TRPM3: variants seen among roughly 807,000 people sequenced by gnomAD.
The protein encoded by TRPM3 is long transient receptor potential channel 3.
A neutral mutation model predicts 181.2 loss-of-function variants in TRPM3; 77 were observed. The observed-to-expected ratio is 0.42, with a 90% confidence interval of 0.35 to 0.51. The LOEUF (loss-of-function observed/expected upper bound fraction) is 0.51. Among genes scored for constraint, TRPM3 ranks in the 20% least tolerant of loss-of-function variants. TRPM3 has a pLI of 0.01. For missense variants in TRPM3, 1,759 were observed against 2,196.7 expected, an observed-to-expected ratio of 0.80 and a Z score of 3.98; for synonymous variants, 745 against 796.4, an observed-to-expected ratio of 0.94 and a Z score of 1.09.
At chr9:71,133,281 C>A (rs1161210726) in intron 1 of TRPM3, among the ~76,000 whole-genome samples, 1 of 115,978 alleles carries the variant, frequency 8.6e-6, no homozygotes, top group South Asian at 3.1e-4. Context: ...TGTAATTCTT[C>A]TAGCAAATTG....
At chr9:71,162,066 G>A (rs758254473) in intron 1 of TRPM3, among the ~76,000 whole-genome samples, 19 of 151,872 alleles carry the variant, frequency 1.3e-4, no homozygotes, top group South Asian at 4.2e-4. Flanking sequence ...CAGGTGTGGT[G>A]GTGTGTTTCT....
intron 1 of TRPM3, among the ~76,000 whole-genome samples, chr9:71,220,476 T>C (rs7865091): frequency 0.27 from 40,616 of 151,798 alleles, 6,021 homozygotes; most frequent in Middle Eastern, 0.46. Context: ...CTTTATTAAC[T>C]AATTTAAGGG....
chr9:70,936,698 T>C (rs528460380), intron 1 of TRPM3, among the ~76,000 whole-genome samples: 8 of 152,258 alleles, frequency 5.3e-5, no homozygotes, highest in African/African-American at 1.9e-4. Flanking sequence ...CTGCCTAGAG[T>C]TCTCTTCACC....
chr9:71,230,878 C>G (rs951908245), intron 1 of TRPM3, among the ~76,000 whole-genome samples: 1 of 152,124 alleles, frequency 6.6e-6, no homozygotes, highest in Non-Finnish European at 1.5e-5. Flanking sequence ...AGTAAATATT[C>G]CTGTTTTGGC....
chr9:71,141,928 A>G (rs1395065503), intron 1 of TRPM3, among the ~76,000 whole-genome samples: 1 of 152,152 alleles, frequency 6.6e-6, no homozygotes, highest in Non-Finnish European at 1.5e-5. Flanking sequence ...CTGAAATTCC[A>G]TTCACTGGGG....
chr9:70,585,457 C>A (rs1041473487), intron 22 of TRPM3, among the ~76,000 whole-genome samples: 6 of 152,282 alleles, frequency 3.9e-5, no homozygotes, highest in Non-Finnish European at 7.4e-5. Context: ...TGCAAAATAG[C>A]CTTCTTCATG....
chr9:71,309,907 T>G (rs2087752913), intron 1 of TRPM3, among the ~76,000 whole-genome samples: 1 of 152,120 alleles, frequency 6.6e-6, no homozygotes, highest in African/African-American at 2.4e-5. Flanking sequence ...AATATTTCTA[T>G]CATTATTCTT....
intron 1 of TRPM3, among the ~76,000 whole-genome samples, chr9:71,160,933 A>C (rs2076245741): frequency 6.6e-6 from 1 of 152,136 alleles, no homozygotes; most frequent in African/African-American, 2.4e-5. Flanking sequence ...TATATTTTGT[A>C]GATAATAATA....
chr9:71,034,073 G>A (rs1263664309), intron 1 of TRPM3, among the ~76,000 whole-genome samples: 1 of 152,192 alleles, frequency 6.6e-6, no homozygotes, highest in Non-Finnish European at 1.5e-5. Context: ...CACATAGACA[G>A]TGGCCCCAGC....
At chr9:70,616,999 G>T (rs748011425) in intron 17 of TRPM3, among the ~76,000 whole-genome samples, 117 of 152,260 alleles carry the variant, frequency 7.7e-4, no homozygotes, top group Admixed American at 3.0e-3. Context: ...CCTCCTTAAA[G>T]AAACTGCTCC....
At chr9:71,290,285 A>C (rs1461872765) in intron 1 of TRPM3, among the ~76,000 whole-genome samples, 2 of 152,134 alleles carry the variant, frequency 1.3e-5, no homozygotes, top group Non-Finnish European at 2.9e-5. Flanking sequence ...GAAGAAACTC[A>C]CCAATATATC....
chr9:70,914,391 G>A (rs1051436549), intron 1 of TRPM3, among the ~76,000 whole-genome samples: 1 of 152,118 alleles, frequency 6.6e-6, no homozygotes, highest in African/African-American at 2.4e-5. Context: ...TCATTCTAAG[G>A]TATTTTGTTA....
intron 18 of TRPM3, among the ~76,000 whole-genome samples, chr9:70,611,705 A>G (rs147597801): frequency 0.012 from 1,793 of 152,270 alleles, 33 homozygotes; most frequent in African/African-American, 0.041. Flanking sequence ...TAAATCCTGA[A>G]TTACTGCTGG....
intron 1 of TRPM3, among the ~76,000 whole-genome samples, chr9:70,976,960 C>G (rs1480586073): frequency 6.6e-6 from 1 of 152,146 alleles, no homozygotes; most frequent in Non-Finnish European, 1.5e-5. Flanking sequence ...TTGTGAATCA[C>G]CACAGTGCTA....
At chr9:71,041,117 C>G (rs1166927471) in intron 1 of TRPM3, among the ~76,000 whole-genome samples, 3 of 152,084 alleles carry the variant, frequency 2.0e-5, no homozygotes, top group Non-Finnish European at 4.4e-5. Flanking sequence ...AGAGAATATC[C>G]TTGCTTTGGG....
chr9:70,558,399 G>A (rs980734151), intron 22 of TRPM3, among the ~76,000 whole-genome samples: 3 of 152,100 alleles, frequency 2.0e-5, no homozygotes, highest in African/African-American at 7.2e-5. Flanking sequence ...TCATATTTTG[G>A]GCACCTCATT....
intron 1 of TRPM3, among the ~76,000 whole-genome samples, chr9:71,296,736 A>T (rs1372410356): frequency 6.6e-6 from 1 of 152,166 alleles, no homozygotes; most frequent in Non-Finnish European, 1.5e-5. Context: ...CCATTAGAAG[A>T]TTGCTACAAG....
chr9:71,320,135 T>A (rs2132459994), intron 1 of TRPM3, among the ~76,000 whole-genome samples: 1 of 151,590 alleles, frequency 6.6e-6, no homozygotes, highest in African/African-American at 2.4e-5. Context: ...TTCCCTAAAG[T>A]GTGAAAGGTA....
At chr9:71,368,336 G>A (rs1420640709) in intron 1 of TRPM3, among the ~76,000 whole-genome samples, 3 of 152,154 alleles carry the variant, frequency 2.0e-5, no homozygotes, top group African/African-American at 7.2e-5. Context: ...AACAGTGATT[G>A]GAAAATTCTC....
Sources: gnomAD v4.1 joint callset for allele counts (sites outside exome capture counted in the v4.1 genomes callset) on GRCh38, gnomAD v4.1.1 for gene constraint, MANE v1.5 for transcripts, NCBI Gene and HGNC (gene_info 2026-07-23, HGNC 2026-07-21) for gene names.